POLR3D: variants seen among roughly 807,000 people sequenced by gnomAD.
POLR3D encodes DNA-directed RNA polymerase III subunit RPC4.
Under a neutral mutation model 44.5 loss-of-function variants are expected in POLR3D, and 42 were observed. That is an observed-to-expected ratio of 0.94 (90% CI 0.74 to 1.22). The LOEUF (loss-of-function observed/expected upper bound fraction) is 1.22, where lower values mean the gene tolerates loss of function less well. Ranked by LOEUF, POLR3D falls within the 50% of genes most tolerant of loss-of-function variation. POLR3D has a pLI of 0.00. For synonymous variants in POLR3D, 217 were observed against 198.1 expected, an observed-to-expected ratio of 1.10 and a Z score of -0.80; for missense variants, 507 against 505.2, an observed-to-expected ratio of 1.00 and a Z score of -0.03.
intron 7 of POLR3D, among the ~76,000 whole-genome samples, chr8:22,249,558 G>A (rs535997193): frequency 1.1e-4 from 16 of 152,310 alleles, no homozygotes; most frequent in African/African-American, 2.9e-4. Flanking sequence ...GGCCAGATGC[G>A]GTGGCTCATG....
Position 22,250,475 on chromosome 8 carries a change from G to A in POLR3D, c.1154G>A (p.Cys385Tyr). 1 of 1,614,202 alleles carries A rather than the reference G, an allele frequency of 6.2e-7. No individual in the cohort carries two copies. The highest frequency in any genetic ancestry group is 8.5e-7 in the Non-Finnish European group (1 of 1,180,030). The change falls in exon 9 of 9, where the codon TGT becomes TAT. Residue 385 changes from cysteine (C) to tyrosine (Y), a missense_variant. Physicochemically the swap from Cys to Tyr is radical, Grantham distance 194. Coordinates refer to ENST00000306433, the MANE Select transcript of POLR3D (RefSeq NM_001722.3). ...VLGHVKHKLV[C>Y]SPDFESLLDH... ...GGACACGTGAAGCACAAACTTGTAT[G>A]TTCCCCTGATTTTGAATCCCTCTTG...
intron 2 of POLR3D, among the ~76,000 whole-genome samples, chr8:22,246,527 C>T (rs1252536616): frequency 6.6e-6 from 1 of 151,812 alleles, no homozygotes; most frequent in Non-Finnish European, 1.5e-5. Flanking sequence ...CTCACTGCAA[C>T]CTCCGCCTCC....
intron 2 of POLR3D, among the ~76,000 whole-genome samples, chr8:22,246,485 G>A (rs945492234): frequency 5.9e-5 from 8 of 135,748 alleles, no homozygotes; most frequent in Non-Finnish European, 1.3e-4. Flanking sequence ...TCTTTCTGTC[G>A]CCCAGGCTGG....
rs148553527 is a variant in POLR3D, at chr8:22,250,606, G to A, written c.*88G>A. ...TTCTTGAATCTGTGAGACCCAGAAG[G>A]GGCCCACTGAGCCCACTCACTCCAG... On this transcript the variant is annotated 3_prime_UTR_variant, in exon 9 of 9. Coordinates refer to ENST00000306433, the MANE Select transcript of POLR3D (RefSeq NM_001722.3). The A allele has an allele frequency of 3.1e-4, 483 of 1,533,842 alleles. 4 individuals carry two copies. The Middle Eastern group carries it at 3.2e-3, about 10-fold the overall frequency.
chr8:22,247,794 G>A (rs985548144), intron 3 of POLR3D, 63 bp from the exon 4 acceptor site: 43 of 1,540,290 alleles, frequency 2.8e-5, no homozygotes, highest in Middle Eastern at 1.8e-4. Flanking sequence ...GTATGGGAGA[G>A]TAAGGCCAGA....
At chr8:22,246,744 A>AT (rs1830047922) in intron 2 of POLR3D, among the ~76,000 whole-genome samples, 1 of 152,200 alleles carries the variant, frequency 6.6e-6, no homozygotes, top group South Asian at 2.1e-4. Flanking sequence ...ACGCCCAGCC[A>AT]TAAAGCAGTT....
Sources: gnomAD v4.1 joint callset for allele counts (sites outside exome capture counted in the v4.1 genomes callset) on GRCh38, gnomAD v4.1.1 for gene constraint, MANE v1.5 for transcripts, NCBI Gene and HGNC (gene_info 2026-07-23, HGNC 2026-07-21) for gene names.